The following WWOX variants were observed in gnomAD, a reference collection of about 807,000 sequenced individuals.
WWOX encodes WW domain-containing oxidoreductase.
Under a neutral mutation model 46.2 loss-of-function variants are expected in WWOX, and 69 were observed. The observed-to-expected ratio is 1.49, with a 90% CI of 1.23 to 1.82. The LOEUF (loss-of-function observed/expected upper bound fraction) is 1.82. Among genes scored for constraint, WWOX ranks in the 40% most tolerant of loss-of-function variants. The probability of loss-of-function intolerance (pLI) is 0.00; values close to 1 mark genes in which losing one functional copy is unlikely to be tolerated. For missense variants in WWOX, 919 were observed against 542.6 expected (o/e 1.69, Z -6.89); for synonymous variants, 359 against 202.6 (o/e 1.77, Z -6.56).
chr16:79,040,219 C>G (rs916503691), intron 8 of WWOX, among the ~76,000 whole-genome samples: 1 of 151,606 alleles, frequency 6.6e-6, no homozygotes, highest in Non-Finnish European at 1.5e-5. Context: ...TTCTTTGAAC[C>G]TCAAAGAGCC....
At chr16:78,520,412 C>T (rs767236432) in intron 8 of WWOX, among the ~76,000 whole-genome samples, 2 of 152,128 alleles carry the variant, frequency 1.3e-5, no homozygotes, top group Admixed American at 6.5e-5. Flanking sequence ...ATTTCGTTTT[C>T]GAGGCTGGAA....
intron 8 of WWOX, among the ~76,000 whole-genome samples, chr16:78,958,817 G>C (rs1488093027): frequency 2.0e-5 from 3 of 152,190 alleles, no homozygotes; most frequent in East Asian, 3.9e-4. Context: ...AGTGGGCACA[G>C]GGGAAGGAAG....
At chr16:78,814,281 C>T (rs1206158824) in intron 8 of WWOX, among the ~76,000 whole-genome samples, 1 of 152,140 alleles carries the variant, frequency 6.6e-6, no homozygotes. Flanking sequence ...TTCCCCTTCC[C>T]CTCTTGTTCC....
At chr16:78,760,388 G>T (rs781341928) in intron 8 of WWOX, among the ~76,000 whole-genome samples, 10 of 152,142 alleles carry the variant, frequency 6.6e-5, no homozygotes, top group Non-Finnish European at 1.5e-4. Context: ...CCATATCACA[G>T]GATAGTTCCC....
intron 8 of WWOX, among the ~76,000 whole-genome samples, chr16:79,208,657 G>A (rs866083689): frequency 1.5e-4 from 23 of 151,324 alleles, no homozygotes; most frequent in Admixed American, 1.2e-3. Context: ...GTTTAAGAAT[G>A]CTTTCTCTTT....
chr16:78,471,164 C>T (rs2084211585), intron 8 of WWOX, among the ~76,000 whole-genome samples: 3 of 152,308 alleles, frequency 2.0e-5, no homozygotes, highest in Admixed American at 1.3e-4. Flanking sequence ...AAGGTCCTCA[C>T]GTTGCAGAAC....
intron 8 of WWOX, chr16:79,110,660 A>T (rs1396727720): frequency 1.3e-5 from 2 of 151,994 alleles, no homozygotes; most frequent in Non-Finnish European, 2.9e-5. Context: ...TTGTTGTTAA[A>T]CTCACGTTCA....
chr16:78,963,979 C>T (rs2046320012), intron 8 of WWOX, among the ~76,000 whole-genome samples: 1 of 152,126 alleles, frequency 6.6e-6, no homozygotes, highest in South Asian at 2.1e-4. Context: ...TTTCTCTTGC[C>T]ACCACCATGT....
chr16:78,636,870 T>G (rs1358179742), intron 8 of WWOX, among the ~76,000 whole-genome samples: 2 of 152,288 alleles, frequency 1.3e-5, no homozygotes, highest in South Asian at 2.1e-4. Flanking sequence ...GCTGCATCAT[T>G]TAAAGACCAA....
chr16:78,308,200 C>T (rs1033494483), intron 5 of WWOX, among the ~76,000 whole-genome samples: 1 of 152,148 alleles, frequency 6.6e-6, no homozygotes, highest in African/African-American at 2.4e-5. Flanking sequence ...CACAGCCACC[C>T]AGAGCTGCAA....
intron 5 of WWOX, among the ~76,000 whole-genome samples, chr16:78,363,283 C>CT (rs367968439): frequency 0.035 from 5,112 of 144,972 alleles, 264 homozygotes; most frequent in African/African-American, 0.11. Context: ...TTTTTGAGGG[C>CT]TTTTTTTTTT....
rs1215397538 is a variant in WWOX at position 78,278,538 on chromosome 16, G to T, written c.517-108322G>T. 2.0e-6 allele frequency: 3 copies of T among 1,486,640 alleles called. 1 individual carries two copies. The highest frequency in any genetic ancestry group is 1.4e-5 in the African/African-American group (1 of 71,096). The allele number at this position is 1,486,640 out of a possible 1,614,324, so 92.1% of individuals were successfully genotyped here. ...AAAACTTATCTTTGGAATGCTTCAA[G>T]AAACAGTTCTATGTTGTTCTCATAA... is the stretch of plus-strand genomic sequence containing the variant. On this transcript the variant is annotated intron_variant, in intron 5 of 8. Coordinates refer to ENST00000566780, the MANE Select transcript of WWOX (RefSeq NM_016373.4).
intron 4 of WWOX, among the ~76,000 whole-genome samples, chr16:78,151,263 C>T (rs1308657697): frequency 6.6e-6 from 1 of 152,038 alleles, no homozygotes; most frequent in Non-Finnish European, 1.5e-5. Flanking sequence ...ATCACAAATC[C>T]ACAGTCACAT....
chr16:78,331,995 G>T (rs1408786827), intron 5 of WWOX, among the ~76,000 whole-genome samples: 2 of 152,176 alleles, frequency 1.3e-5, no homozygotes, highest in Non-Finnish European at 2.9e-5. Context: ...CAGTACATCA[G>T]AGCCGAGGAA....
intron 6 of WWOX, among the ~76,000 whole-genome samples, chr16:78,392,182 G>C (rs1001791520): frequency 1.3e-5 from 2 of 152,010 alleles, no homozygotes; most frequent in African/African-American, 4.8e-5. Flanking sequence ...TCTGTGCTTA[G>C]AGCCGCTCTC....
intron 8 of WWOX, among the ~76,000 whole-genome samples, chr16:78,969,675 G>C (rs1172640812): frequency 6.6e-6 from 1 of 151,940 alleles, no homozygotes; most frequent in Non-Finnish European, 1.5e-5. Flanking sequence ...CTTTAATAAA[G>C]AAGAGAAAAG....
At chr16:79,072,056 G>A (rs910066605) in intron 8 of WWOX, among the ~76,000 whole-genome samples, 32 of 152,208 alleles carry the variant, frequency 2.1e-4, no homozygotes, top group Non-Finnish European at 2.9e-5. Flanking sequence ...GCAGAGGCGG[G>A]AGGATTGCTT....
chr16:78,235,461 A>G (rs2037404285), intron 5 of WWOX, among the ~76,000 whole-genome samples: 1 of 151,652 alleles, frequency 6.6e-6, no homozygotes. Context: ...GGACAGCAGA[A>G]CCCTGACAAT....
Position 78,950,781 on chromosome 16 carries a change from C to T in WWOX, c.1057-260827C>T, listed in dbSNP as rs902834846. Among the ~76,000 whole-genome samples the T allele has an allele frequency of 1.6e-4, 25 of 152,084 alleles. 1 individual carries two copies. Among genetic ancestry groups the T allele is most frequent in the Non-Finnish European group, 7.4e-5 (5 of 68,022 alleles). ...TCTGGAATGATCTACTGGCATCATGCCTAGGACTTTGGAAAACTTGAAGGT... is the reference window on the plus strand; with the variant it reads ...TCTGGAATGATCTACTGGCATCATGTCTAGGACTTTGGAAAACTTGAAGGT... On this transcript the variant is annotated intron_variant, in intron 8 of 8. Transcript: ENST00000566780.
Sources: allele counts gnomAD v4.1 joint callset (sites outside exome capture counted in the v4.1 genomes callset), GRCh38; gene constraint gnomAD v4.1.1; transcripts MANE v1.5; gene names NCBI Gene and HGNC (gene_info 2026-07-23, HGNC 2026-07-21).